CARMIL1: variants seen among roughly 807,000 people sequenced by gnomAD.
CARMIL1 encodes capping protein regulator and myosin 1 linker 1.
In CARMIL1, 90 loss-of-function variants were observed where a neutral mutation model predicts 177.1. That is an observed-to-expected ratio of 0.51 (90% CI 0.43 to 0.61). CARMIL1 has a LOEUF of 0.61. Among genes scored for constraint, CARMIL1 ranks in the 20% least tolerant of loss-of-function variants. CARMIL1 has a pLI of 0.00. For synonymous variants in CARMIL1, 577 were observed against 606.2 expected (o/e 0.95, Z 0.71); for missense variants, 1,380 against 1,667.0 (o/e 0.83, Z 3.00).
intron 8 of CARMIL1, among the ~76,000 whole-genome samples, chr6:25,464,573 T>A (rs1443571903): frequency 6.6e-6 from 1 of 152,126 alleles, no homozygotes; most frequent in African/African-American, 2.4e-5. Context: ...AAAATCTGAG[T>A]ATCTGCTACT....
intron 26 of CARMIL1, among the ~76,000 whole-genome samples, chr6:25,541,369 A>G (rs60689338): frequency 0.026 from 3,998 of 152,278 alleles, 156 homozygotes; most frequent in African/African-American, 0.085. Flanking sequence ...CATGAATACA[A>G]TTATAGGTTG....
intron 2 of CARMIL1, among the ~76,000 whole-genome samples, chr6:25,285,777 C>T (rs761413698): frequency 8.7e-4 from 133 of 152,108 alleles, no homozygotes; most frequent in Non-Finnish European, 1.7e-3. Flanking sequence ...TAAATATCTT[C>T]CCCATGGTGT....
chr6:25,317,124 G>C (rs1049442068), intron 2 of CARMIL1, among the ~76,000 whole-genome samples: 1 of 152,040 alleles, frequency 6.6e-6, no homozygotes. Flanking sequence ...AGTTGAGTTA[G>C]GGTGTTTTTT....
chr6:25,532,301 G>A (rs115151502), intron 24 of CARMIL1, among the ~76,000 whole-genome samples: 2,579 of 152,024 alleles, frequency 0.017, 57 homozygotes, highest in African/African-American at 0.05. Flanking sequence ...AAAAATTACA[G>A]CAGCAACCTT....
In CARMIL1 at chr6:25,441,337, A is replaced by ATATATATATATATATATGTG; in HGVS notation, c.371+5734_371+5735insATATATATATATATATGTGT. 5.1e-3 allele frequency among the ~76,000 whole-genome samples: 479 copies of ATATATATATATATATATGTG among 94,446 alleles called. 2 individuals are homozygous for ATATATATATATATATATGTG. Among genetic ancestry groups the ATATATATATATATATATGTG allele is most frequent in the Non-Finnish European group, 6.9e-3 (341 of 49,212 alleles). The allele number at this position is 94,446 out of a possible 152,430, so 62.0% of individuals were successfully genotyped here. A position where few individuals can be genotyped will look rare whatever the true frequency, so the allele number is the denominator to read the frequency against. On this transcript the variant is annotated intron_variant, in intron 5 of 36. Transcript: ENST00000329474. ...CAAACAAACATATATATATATATAT[A>ATATATATATATATATATGTG]TGTGTGTGTGTGTGTGTGTGTGTGT...
intron 2 of CARMIL1, among the ~76,000 whole-genome samples, chr6:25,356,851 G>A (rs762978939): frequency 2.2e-4 from 33 of 152,336 alleles, no homozygotes; most frequent in Middle Eastern, 6.8e-3. Context: ...CTGTCCAGCA[G>A]ACCTTCTTTT....
Position 25,326,506 on chromosome 6 carries a change from T to C in CARMIL1, c.138+41597T>C, listed in dbSNP as rs1275935296. 2.0e-5 allele frequency among the ~76,000 whole-genome samples: 3 copies of C among 152,172 alleles called. No homozygotes were observed. The highest frequency in any genetic ancestry group is 7.2e-5 in the African/African-American group (3 of 41,450). ...AGTAGTGGGAGTGAGAGGTCAGGCT[T>C]GGTCTAGGGCAGTGCTTCTCAATGT... On this transcript the variant is annotated intron_variant, in intron 2 of 36. Coordinates refer to ENST00000329474, the MANE Select transcript of CARMIL1 (RefSeq NM_017640.6). This position sits in a 1 kb window ranked among gnomAD's most constrained non-coding sequence, Gnocchi z 4.2.
At chr6:25,430,673 C>T (rs1037604225) in intron 4 of CARMIL1, among the ~76,000 whole-genome samples, 1 of 152,100 alleles carries the variant, frequency 6.6e-6, no homozygotes, top group African/African-American at 2.4e-5. Flanking sequence ...TCAAGCGATC[C>T]ACCTCCCTCA....
At chr6:25,463,980 G>A (rs1416239496) in intron 8 of CARMIL1, among the ~76,000 whole-genome samples, 4 of 151,582 alleles carry the variant, frequency 2.6e-5, no homozygotes, top group Admixed American at 6.6e-5. Context: ...CCGCCACTAC[G>A]CCCGGCTAAT....
chr6:25,449,211 A>G (rs1798545418), intron 5 of CARMIL1, among the ~76,000 whole-genome samples: 1 of 152,162 alleles, frequency 6.6e-6, no homozygotes, highest in South Asian at 2.1e-4. Context: ...GATAGGTACT[A>G]TTATCATTTT....
intron 26 of CARMIL1, among the ~76,000 whole-genome samples, chr6:25,541,265 T>C (rs1808862892): frequency 1.3e-5 from 2 of 152,324 alleles, no homozygotes; most frequent in African/African-American, 4.8e-5. Context: ...TCTTAGTGAA[T>C]TTCTAGACAT....
intron 2 of CARMIL1, among the ~76,000 whole-genome samples, chr6:25,399,811 T>C (rs1480227117): frequency 6.6e-6 from 1 of 152,226 alleles, no homozygotes; most frequent in Non-Finnish European, 1.5e-5. Flanking sequence ...AGAGCTGTTA[T>C]TACTGGTTGA....
intron 29 of CARMIL1, among the ~76,000 whole-genome samples, chr6:25,559,115 A>T (rs1000239580): frequency 2.0e-5 from 3 of 152,156 alleles, no homozygotes; most frequent in African/African-American, 7.2e-5. Context: ...AGAACCTTTC[A>T]CATGGCAGCA....
chr6:25,392,707 C>T (rs1792994207), intron 2 of CARMIL1, among the ~76,000 whole-genome samples: 1 of 152,082 alleles, frequency 6.6e-6, no homozygotes, highest in Non-Finnish European at 1.5e-5. Flanking sequence ...AAAATGGCTA[C>T]CAGTATCCAC....
At chr6:25,469,101 A>C (rs1339744471) in intron 9 of CARMIL1, among the ~76,000 whole-genome samples, 1 of 152,214 alleles carries the variant, frequency 6.6e-6, no homozygotes, top group Non-Finnish European at 1.5e-5. Flanking sequence ...CATAATGTAA[A>C]TTGTAGGCAT....
intron 2 of CARMIL1, among the ~76,000 whole-genome samples, chr6:25,348,928 A>G (rs1787825216): frequency 6.6e-6 from 1 of 152,218 alleles, no homozygotes; most frequent in Non-Finnish European, 1.5e-5. Context: ...CCTCCCTACC[A>G]TCACGCGTTT....
chr6:25,512,388 G>C (rs985774584), intron 20 of CARMIL1, among the ~76,000 whole-genome samples: 2 of 152,086 alleles, frequency 1.3e-5, no homozygotes, highest in Non-Finnish European at 2.9e-5. Flanking sequence ...ACAATGAAAA[G>C]CTTTTTATGT....
intron 5 of CARMIL1, among the ~76,000 whole-genome samples, chr6:25,442,942 A>C (rs548426424): frequency 2.3e-4 from 35 of 152,204 alleles, no homozygotes; most frequent in African/African-American, 8.2e-4. Context: ...AGATTAATTT[A>C]TTTCTTTCTG....
chr6:25,466,278 A>G lies in CARMIL1; in HGVS notation c.690+330A>G, dbSNP rs974521966. On this transcript the variant is annotated intron_variant, in intron 9 of 36. Coordinates refer to ENST00000329474, the MANE Select transcript of CARMIL1 (RefSeq NM_017640.6). ...TGCACAGCTGCAAATAGCAGATTTT[A>G]TATTCCTATCTTACACTCTGTCTCT... Among the ~76,000 whole-genome samples the G allele has an allele frequency of 3.9e-5, 6 of 152,336 alleles. No homozygotes were observed. In the South Asian group the frequency reaches 8.3e-4, roughly 21 times the overall value.
Sources: gnomAD v4.1 joint callset for allele counts (sites outside exome capture counted in the v4.1 genomes callset) on GRCh38, gnomAD v4.1.1 for gene constraint, Gnocchi (gnomAD v3.1) non-coding constraint, MANE v1.5 for transcripts, NCBI Gene and HGNC (gene_info 2026-07-23, HGNC 2026-07-21) for gene names.